Variants in CELF2 observed in about 807,000 individuals in gnomAD.
CELF2 encodes CUG triplet repeat RNA-binding protein 2.
CELF2 carries 8 observed loss-of-function variants against 62.6 expected under a neutral mutation model. The observed-to-expected ratio is 0.13, with a 90% CI of 0.07 to 0.23. The LOEUF (loss-of-function observed/expected upper bound fraction) is 0.23, where lower values mean the gene tolerates loss of function less well. Among genes scored for constraint, CELF2 ranks in the 10% least tolerant of loss-of-function variants. The pLI is 1.00. For synonymous variants in CELF2, 258 were observed against 250.0 expected (o/e 1.03, Z -0.30); for missense variants, 333 against 671.0 (o/e 0.50, Z 5.56).
At chr10:10,486,799 G>T in the CELF2 span, among the ~76,000 whole-genome samples, 2 of 152,108 alleles carry the variant, frequency 1.3e-5, no homozygotes, top group African/African-American at 2.4e-5. Context: ...CCTGGAGTTT[G>T]TACCCTAACT....
At chr10:10,946,689 G>T (rs1159272935) in intron 2 of CELF2, 1 of 152,318 alleles carries the variant, frequency 6.6e-6, no homozygotes, top group Non-Finnish European at 1.5e-5. Context: ...CCTCACAAAT[G>T]TTAATTCATT....
chr10:10,767,042 G>C, the CELF2 span, among the ~76,000 whole-genome samples: 1 of 152,184 alleles, frequency 6.6e-6, no homozygotes, highest in Non-Finnish European at 1.5e-5. Flanking sequence ...GTTCTATGGA[G>C]TTAGGACATT....
chr10:10,464,035 C>G, the CELF2 span, among the ~76,000 whole-genome samples: 1 of 151,136 alleles, frequency 6.6e-6, no homozygotes, highest in African/African-American at 2.4e-5. Context: ...GCATTCCATA[C>G]GCTGGTAACA....
At chr10:10,827,200 A>C (rs1305948491) in intron 1 of CELF2, among the ~76,000 whole-genome samples, 1 of 152,166 alleles carries the variant, frequency 6.6e-6, no homozygotes, top group East Asian at 1.9e-4. Flanking sequence ...ATTCTCCTGC[A>C]TTTTACAAAT....
intron 1 of CELF2, among the ~76,000 whole-genome samples, chr10:10,891,019 A>G (rs1591596456): frequency 7.2e-6 from 1 of 138,048 alleles, no homozygotes; most frequent in Admixed American, 7.7e-5. Flanking sequence ...TCATCTCAAA[A>G]AAACAAACAA....
intron 2 of CELF2, among the ~76,000 whole-genome samples, chr10:11,188,569 T>C (rs1482951834): frequency 1.3e-5 from 2 of 152,186 alleles, no homozygotes; most frequent in Non-Finnish European, 2.9e-5. Context: ...ATTTTCTCTT[T>C]ATGTGACTGG....
At chr10:10,625,142 T>C in the CELF2 span, among the ~76,000 whole-genome samples, 1 of 152,230 alleles carries the variant, frequency 6.6e-6, no homozygotes, top group Non-Finnish European at 1.5e-5. Flanking sequence ...AGATAGGAAC[T>C]GTGTAAAAAC....
the CELF2 span, among the ~76,000 whole-genome samples, chr10:10,595,811 G>C: frequency 6.6e-6 from 1 of 152,146 alleles, no homozygotes; most frequent in Admixed American, 6.5e-5. Context: ...TAGGCAAATT[G>C]CTTGAGCCCA....
the CELF2 span, among the ~76,000 whole-genome samples, chr10:10,643,319 G>T: frequency 1.3e-5 from 2 of 152,074 alleles, no homozygotes; most frequent in African/African-American, 4.8e-5. Flanking sequence ...AGGGAGACAA[G>T]TTTTTCTCAT....
chr10:10,583,606 T>A, the CELF2 span, among the ~76,000 whole-genome samples: 2 of 152,202 alleles, frequency 1.3e-5, no homozygotes, highest in Non-Finnish European at 2.9e-5. Flanking sequence ...GGGGCAGGAC[T>A]GGAAATCAGT....
rs2075766062 is a variant in CELF2 at position 11,246,903 on chromosome 10, G to A, written c.355-2250G>A. ...GTACCCCACAGTCACATCAACCTTA[G>A]CATGTCCAGACCTGCGCTCGTCAGC... On this transcript the variant is annotated intron_variant, in intron 3 of 12. Transcript: ENST00000633077. This position sits in a 1 kb window ranked among gnomAD's most constrained non-coding sequence, Gnocchi z 4.6. Among the ~76,000 whole-genome samples the A allele has an allele frequency of 6.6e-6, 1 of 152,168 alleles. No individual in the cohort carries two copies. Among genetic ancestry groups the A allele is most frequent in the African/African-American group, 2.4e-5 (1 of 41,434 alleles).
At chr10:10,927,776 A>G (rs1480474208) in intron 2 of CELF2, among the ~76,000 whole-genome samples, 1 of 152,056 alleles carries the variant, frequency 6.6e-6, no homozygotes, top group African/African-American at 2.4e-5. Flanking sequence ...TTTCCAAGCC[A>G]CCATAAACTC....
At chr10:11,221,074 T>C (rs918938539) in intron 3 of CELF2, among the ~76,000 whole-genome samples, 1 of 152,228 alleles carries the variant, frequency 6.6e-6, no homozygotes, top group African/African-American at 2.4e-5. Flanking sequence ...AAGTAGAGCC[T>C]TTGTAGCCTG....
chr10:11,234,817 C>T (rs1386604789), intron 3 of CELF2, among the ~76,000 whole-genome samples: 2 of 152,014 alleles, frequency 1.3e-5, no homozygotes, highest in African/African-American at 2.4e-5. Context: ...AGACAACAAA[C>T]GCAGTAGAGA....
At chr10:11,263,545 C>T (rs1256909293) in intron 5 of CELF2, among the ~76,000 whole-genome samples, 1 of 152,218 alleles carries the variant, frequency 6.6e-6, no homozygotes, top group Non-Finnish European at 1.5e-5. Context: ...GCTGACCCTA[C>T]AGGATCAGAG....
At chr10:10,547,145 A>G in the CELF2 span, among the ~76,000 whole-genome samples, 2 of 152,154 alleles carry the variant, frequency 1.3e-5, no homozygotes, top group African/African-American at 4.8e-5. Flanking sequence ...ATGAATAAAA[A>G]TGATTGTGTA....
rs2135138490 is a variant in CELF2, at chr10:10,931,137, C to G, written c.89+11138C>G. Reference sequence around the variant, plus strand: ...TTCGGATTAGGTTTTGTAAATGTTTCTATTATGTATTTTCCTTTTCCTTCT... The same window carrying G: ...TTCGGATTAGGTTTTGTAAATGTTTGTATTATGTATTTTCCTTTTCCTTCT... On this transcript the variant is annotated intron_variant, in intron 2 of 13. Transcript: ENST00000636488. The surrounding 1 kb of genome is among the most constrained non-coding windows in gnomAD (Gnocchi z 6.1). Among the ~76,000 whole-genome samples the G allele has an allele frequency of 6.6e-6, 1 of 152,254 alleles. No homozygotes were observed. The highest frequency in any genetic ancestry group is 6.5e-5 in the Admixed American group (1 of 15,284).
the CELF2 span, among the ~76,000 whole-genome samples, chr10:10,520,530 C>T: frequency 6.6e-6 from 1 of 152,096 alleles, no homozygotes; most frequent in Admixed American, 6.6e-5. Context: ...GAGCAAAACC[C>T]ACGCTGAGCT....
intron 3 of CELF2, among the ~76,000 whole-genome samples, chr10:11,222,122 C>T (rs915108640): frequency 6.6e-6 from 1 of 150,554 alleles, no homozygotes; most frequent in Non-Finnish European, 1.5e-5. Flanking sequence ...TGGAGTTGGC[C>T]TCTGTGTTCT....
Sources: gnomAD v4.1 joint callset for allele counts (sites outside exome capture counted in the v4.1 genomes callset) on GRCh38, gnomAD v4.1.1 for gene constraint, Gnocchi (gnomAD v3.1) non-coding constraint, MANE v1.5 for transcripts, NCBI Gene and HGNC (gene_info 2026-07-23, HGNC 2026-07-21) for gene names.